The following COL23A1 variants were observed in gnomAD, a reference collection of about 807,000 sequenced individuals.
The protein encoded by COL23A1 is collagen alpha-1(XXIII) chain.
COL23A1 carries 97 observed loss-of-function variants against 99.3 expected under a neutral mutation model. The ratio of observed to expected loss-of-function variants is 0.98; its 90% confidence interval spans 0.83 to 1.16. COL23A1 has a LOEUF of 1.16. Ranked by LOEUF, COL23A1 falls within the 50% of genes most tolerant of loss-of-function variation. The pLI is 0.00. For missense variants in COL23A1, 762 were observed against 757.4 expected (o/e 1.01, Z -0.07); for synonymous variants, 320 against 308.2 (o/e 1.04, Z -0.40).
intron 2 of COL23A1, among the ~76,000 whole-genome samples, chr5:178,510,726 C>T (rs1292968090): frequency 1.3e-5 from 2 of 151,920 alleles, no homozygotes; most frequent in Non-Finnish European, 2.9e-5. Flanking sequence ...AAATAAAACA[C>T]ATTGGCAATG....
In COL23A1 at chr5:178,263,293, G is replaced by A. The variant is rs1010058688; in HGVS notation, c.554C>T (p.Pro185Leu). 2.6e-5 allele frequency: 41 copies of A among 1,607,738 alleles called. No homozygotes were observed. Among genetic ancestry groups the A allele is most frequent in the Non-Finnish European group, 3.2e-5 (38 of 1,178,146 alleles). Reference protein sequence around the residue: ...GDQGQDGAAGPPGPPGPPGAR... With the variant: ...GDQGQDGAAGLPGPPGPPGAR... ...CCCAGGAGGTCCAGGGGGCCCCGGA[G>A]GCCCAGCAGCTCCATCTTGTCCTTG... The change falls in exon 9 of 29, where the codon CCT becomes CTT. Residue 185 changes from proline (P) to leucine (L), a missense_variant. Coordinates refer to ENST00000390654, the MANE Select transcript of COL23A1 (RefSeq NM_173465.4).
rs986239511 is a variant in COL23A1 at position 178,337,545 on chromosome 5, G to T, written c.362-30626C>A. On this transcript the variant is annotated intron_variant, in intron 2 of 28. Transcript: ENST00000390654. ...TGGAAAGACAGAGAGACGGAGTGGGGTGCAGGGTTATGGAGAGCATCCTTC... is the reference window on the plus strand; with the variant it reads ...TGGAAAGACAGAGAGACGGAGTGGGTTGCAGGGTTATGGAGAGCATCCTTC... Among the ~76,000 whole-genome samples, 5 of 152,320 alleles carry T rather than the reference G, an allele frequency of 3.3e-5. No homozygotes were observed. The South Asian group carries it at 1.0e-3, about 32-fold the overall frequency.
rs756964210 is a variant in COL23A1, at chr5:178,259,732, G to C, written c.718C>G (p.Pro240Ala). 1.2e-6 allele frequency: 2 copies of C among 1,603,722 alleles called. No homozygotes were observed. The highest frequency in any genetic ancestry group is 8.5e-7 in the Non-Finnish European group (1 of 1,173,554). Reference sequence around the variant, plus strand: ...TTGGCCCCTCTCACCTTCTTTCCAGGTACTCCAGGCTCACCCTGGGGGAGG... The same window carrying C: ...TTGGCCCCTCTCACCTTCTTTCCAGCTACTCCAGGCTCACCCTGGGGGAGG... ...PPGPKGEPGV[P>A]GKKGDDGTPS... Residue 240 changes from proline to alanine, a missense_variant, in exon 12 of 29, where the codon CCT becomes GCT. Physicochemically the swap from Pro to Ala is conservative, Grantham distance 27. Coordinates refer to ENST00000390654, the MANE Select transcript of COL23A1 (RefSeq NM_173465.4).
At chr5:178,362,353 C>T (rs1762218166) in intron 2 of COL23A1, among the ~76,000 whole-genome samples, 1 of 152,176 alleles carries the variant, frequency 6.6e-6, no homozygotes, top group Admixed American at 6.5e-5. Flanking sequence ...CCATGGACAG[C>T]TCTGTGTCTC....
chr5:178,293,099 C>T (rs537991268), intron 3 of COL23A1, among the ~76,000 whole-genome samples: 78 of 152,094 alleles, frequency 5.1e-4, no homozygotes, highest in African/African-American at 1.8e-3. Context: ...AGGAGCTCTG[C>T]TGCAAAGGGG....
chr5:178,306,814 A>C lies in COL23A1; in HGVS notation c.406+61T>G, dbSNP rs958218947. On this transcript the variant is annotated intron_variant, in intron 3 of 28. Coordinates refer to ENST00000390654, the MANE Select transcript of COL23A1 (RefSeq NM_173465.4). The surrounding 1 kb of genome is among the most constrained non-coding windows in gnomAD (Gnocchi z 4.1). ...GCAGGTGGCCAGGCCCTGCAGTCAG[A>C]GCCTGGGGCCATGGTGGCTTCCAAG... The C allele has an allele frequency of 1.6e-5, 20 of 1,283,902 alleles. No individual in the cohort carries two copies. The Admixed American group carries it at 6.6e-4, about 43-fold the overall frequency. 79.5% of individuals were successfully genotyped at this position (1,283,902 alleles called of 1,614,324 possible). A position where few individuals can be genotyped will look rare whatever the true frequency, so the allele number is the denominator to read the frequency against.
At chr5:178,252,662 C>T in intron 16 of COL23A1, 65 bp from the exon 17 acceptor site, 5 of 1,400,336 alleles carry the variant, frequency 3.6e-6, no homozygotes, top group Non-Finnish European at 4.9e-6. Context: ...GCTACCCATC[C>T]AGCTCCCCAC....
At chr5:178,573,520 T>C (rs1581663931) in intron 1 of COL23A1, among the ~76,000 whole-genome samples, 1 of 152,238 alleles carries the variant, frequency 6.6e-6, no homozygotes, top group South Asian at 2.1e-4. Context: ...TCCTCAAGGG[T>C]CCCTGATAGG....
intron 2 of COL23A1, among the ~76,000 whole-genome samples, chr5:178,348,894 C>A (rs948908373): frequency 6.6e-6 from 1 of 152,212 alleles, no homozygotes; most frequent in South Asian, 2.1e-4. Flanking sequence ...GGCTGCAGCT[C>A]GTCCCACTGC....
chr5:178,572,067 C>CAAAAAAAAAAAAA (rs1288485909), intron 1 of COL23A1, among the ~76,000 whole-genome samples: 40 of 54,314 alleles, frequency 7.4e-4, no homozygotes, highest in South Asian at 7.3e-3. Flanking sequence ...GACTCTTTCT[C>CAAAAAAAAAAAAA]AAAACAAAAA....
intron 18 of COL23A1, among the ~76,000 whole-genome samples, 178 bp from the exon 19 acceptor site, chr5:178,249,384 G>A (rs568043256): frequency 9.2e-5 from 14 of 152,296 alleles, no homozygotes; most frequent in Admixed American, 4.6e-4. Context: ...GCTAGGGCAC[G>A]CCACTCCTGG....
chr5:178,457,283 G>A (rs1323977626), intron 2 of COL23A1, among the ~76,000 whole-genome samples: 3 of 151,922 alleles, frequency 2.0e-5, no homozygotes, highest in Admixed American at 2.0e-4. Context: ...GCACAATCTC[G>A]GCTCACTGCA....
intron 26 of COL23A1, 83 bp from the exon 27 acceptor site, chr5:178,242,211 G>A: frequency 6.8e-7 from 1 of 1,469,682 alleles, no homozygotes; most frequent in Non-Finnish European, 9.3e-7. Context: ...AAGCGCGTGG[G>A]GCCAGCCTCC....
chr5:178,313,291 A>G lies in COL23A1; in HGVS notation c.362-6372T>C, dbSNP rs1382869491. ...TGGTGGTGGTGACGGGTGCGTGACAATGTGAACATACTGAATGCCACTCAA... is the reference window on the plus strand; with the variant it reads ...TGGTGGTGGTGACGGGTGCGTGACAGTGTGAACATACTGAATGCCACTCAA... On this transcript the variant is annotated intron_variant, in intron 2 of 28. Transcript: ENST00000390654. This position sits in a 1 kb window ranked among gnomAD's most constrained non-coding sequence, Gnocchi z 4.2. Among the ~76,000 whole-genome samples, 1 of 152,190 alleles carries G rather than the reference A, an allele frequency of 6.6e-6. No homozygotes were observed. Among genetic ancestry groups the G allele is most frequent in the Admixed American group, 6.5e-5 (1 of 15,284 alleles).
intron 12 of COL23A1, among the ~76,000 whole-genome samples, chr5:178,258,913 CTTTTTTTTTT>C (rs35156759): frequency 8.5e-6 from 1 of 117,586 alleles, no homozygotes; most frequent in Non-Finnish European, 1.8e-5. Flanking sequence ...CCAGGGTGGT[CTTTTTTTTTT>C]TTTTTTTTTG....
In COL23A1 at chr5:178,256,403, G is replaced by A. The variant is rs1161452036; in HGVS notation, c.838-6C>T. ...CCTCGGTGGCCAGGCTCCCCCTGTGGAGACATGCATTTGCAGCCAGAGGTG... is the reference window on the plus strand; with the variant it reads ...CCTCGGTGGCCAGGCTCCCCCTGTGAAGACATGCATTTGCAGCCAGAGGTG... On this transcript the variant is annotated splice_region_variant and splice_polypyrimidine_tract_variant and intron_variant, in intron 14 of 28. Transcript: ENST00000390654. 1 of 1,605,632 alleles carries A rather than the reference G, an allele frequency of 6.2e-7. No homozygotes were observed. The highest frequency in any genetic ancestry group is 1.1e-5 in the South Asian group (1 of 90,310).
At position 178,263,288 on chromosome 5, in the gene COL23A1, C is replaced by A; in HGVS notation, c.559G>T (p.Gly187Trp). The A allele has an allele frequency of 6.2e-7, 1 of 1,609,018 alleles. No individual in the cohort carries two copies. Among genetic ancestry groups the A allele is most frequent in the Non-Finnish European group, 8.5e-7 (1 of 1,178,554 alleles). ...CGGGCCCCAGGAGGTCCAGGGGGCCCCGGAGGCCCAGCAGCTCCATCTTGT... is the reference window on the plus strand; with the variant it reads ...CGGGCCCCAGGAGGTCCAGGGGGCCACGGAGGCCCAGCAGCTCCATCTTGT... ...QGQDGAAGPP[G>W]PPGPPGARGP... The change falls in exon 9 of 29, where the codon GGG becomes TGG. Residue 187 changes from glycine to tryptophan, a missense_variant. Transcript: ENST00000390654.
intron 18 of COL23A1, among the ~76,000 whole-genome samples, chr5:178,249,621 T>G (rs1479668155): frequency 6.6e-6 from 1 of 151,296 alleles, no homozygotes; most frequent in Non-Finnish European, 1.5e-5. Flanking sequence ...GCGGACCCAG[T>G]GGGAAAGACT....
At chr5:178,383,708 C>T (rs539892880) in intron 2 of COL23A1, among the ~76,000 whole-genome samples, 1 of 151,884 alleles carries the variant, frequency 6.6e-6, no homozygotes, top group East Asian at 1.9e-4. Flanking sequence ...CATGCACAAT[C>T]ACAGTCCTTC....
Sources: allele counts gnomAD v4.1 joint callset (sites outside exome capture counted in the v4.1 genomes callset), GRCh38; gene constraint gnomAD v4.1.1; non-coding constraint Gnocchi (gnomAD v3.1); transcripts MANE v1.5; gene names NCBI Gene and HGNC (gene_info 2026-07-23, HGNC 2026-07-21).